The following EIF3CL variants were observed in gnomAD, a reference collection of about 807,000 sequenced individuals.
EIF3CL encodes the protein eukaryotic translation initiation factor 3 subunit C-like protein.
For synonymous variants in EIF3CL, 2 were observed against 19.6 expected, an observed-to-expected ratio of 0.10 and a Z score of 2.37; for missense variants, 5 against 56.1, an observed-to-expected ratio of 0.09 and a Z score of 2.91.
At chr16:28,417,106 C>T in the EIF3CL span, among the ~76,000 whole-genome samples, 8 of 123,184 alleles carry the variant, frequency 6.5e-5, no homozygotes, top group Admixed American at 7.9e-5. Context: ...TGAGGAGCCC[C>T]TCTGCCCGGC....
the EIF3CL span, among the ~76,000 whole-genome samples, chr16:28,424,029 C>T: frequency 6.8e-6 from 1 of 146,912 alleles, no homozygotes; most frequent in Non-Finnish European, 1.5e-5. Context: ...ACTCTGTTGC[C>T]CAGGCTGGAG....
At chr16:28,417,687 C>G in the EIF3CL span, among the ~76,000 whole-genome samples, 2 of 103,082 alleles carry the variant, frequency 1.9e-5, no homozygotes, top group East Asian at 5.2e-4. Flanking sequence ...TGCGGAAGGC[C>G]GCAGGGTCCT....
chr16:28,392,821 CTCTCT>C (rs1429191807), intron 8 of EIF3CL, among the ~76,000 whole-genome samples: 14 of 150,016 alleles, frequency 9.3e-5, no homozygotes, highest in Non-Finnish European at 1.3e-4. Flanking sequence ...GCTTTCTCTC[CTCTCT>C]TGACAACCGA....
intron 15 of EIF3CL, among the ~76,000 whole-genome samples, chr16:28,385,598 G>C (rs2045597061): frequency 2.8e-5 from 2 of 70,304 alleles, no homozygotes; most frequent in Non-Finnish European, 3.1e-5. Flanking sequence ...GAATGGGACA[G>C]AGGGAATGAC....
chr16:28,417,872 C>A, the EIF3CL span, among the ~76,000 whole-genome samples: 6 of 109,670 alleles, frequency 5.5e-5, no homozygotes, highest in Middle Eastern at 6.8e-3. Context: ...TTTAGGAATG[C>A]AAAAAAAAAA....
At chr16:28,415,036 T>C in the EIF3CL span, 3 of 425,196 alleles carry the variant, frequency 7.1e-6, 1 homozygote, top group Non-Finnish European at 1.4e-5. Context: ...CAGCTGCAGC[T>C]GCCACCTGTG....
the EIF3CL span, among the ~76,000 whole-genome samples, chr16:28,419,333 G>C: frequency 1.1e-4 from 17 of 150,746 alleles, no homozygotes; most frequent in Admixed American, 6.6e-4. Context: ...GACAGGAAGT[G>C]GAAGTTACAG....
At chr16:28,414,729 G>A in the EIF3CL span, 4 of 385,994 alleles carry the variant, frequency 1.0e-5, no homozygotes, top group East Asian at 2.2e-4. Context: ...AGCAGGTGGT[G>A]CAGGAGTACT....
At chr16:28,389,474 CA>C (rs1473443361) in intron 13 of EIF3CL, among the ~76,000 whole-genome samples, 2 of 47,416 alleles carry the variant, frequency 4.2e-5, no homozygotes, top group Non-Finnish European at 8.4e-5. Context: ...GCTAGGATTA[CA>C]GGCGTGAGCC....
the EIF3CL span, among the ~76,000 whole-genome samples, chr16:28,415,453 A>G: frequency 1.4e-5 from 2 of 142,288 alleles, no homozygotes; most frequent in Non-Finnish European, 3.0e-5. Flanking sequence ...TTAGATATTA[A>G]AAGAAAAAAA....
chr16:28,419,283 G>A, the EIF3CL span, among the ~76,000 whole-genome samples: 1 of 150,852 alleles, frequency 6.6e-6, no homozygotes, highest in East Asian at 1.9e-4. Context: ...TGGGATTACA[G>A]GTGTAAGCCA....
the EIF3CL span, chr16:28,414,707 G>A: frequency 2.7e-6 from 1 of 364,862 alleles, no homozygotes; most frequent in African/African-American, 2.3e-5. Flanking sequence ...GCGCCAAGCT[G>A]CGCGTCTAGA....
In EIF3CL at chr16:28,385,334, G is replaced by A. The variant is rs1356184530; in HGVS notation, c.1822-1853C>T. On this transcript the variant is annotated intron_variant, in intron 15 of 20. Coordinates refer to ENST00000380876, the MANE Select transcript of EIF3CL (RefSeq NM_001317857.2). Reference sequence around the variant, plus strand: ...TGAATAGAATGAAGGAGAAGTAACCGGGTATTTCTTTTCTTTTTGAGACAG... The same window carrying A: ...TGAATAGAATGAAGGAGAAGTAACCAGGTATTTCTTTTCTTTTTGAGACAG... 5.4e-5 allele frequency among the ~76,000 whole-genome samples: 7 copies of A among 129,824 alleles called. 1 individual carries two copies. The highest frequency in any genetic ancestry group is 2.4e-4 in the East Asian group (1 of 4,232). The allele number at this position is 129,824 out of a possible 152,430, so 85.2% of individuals were successfully genotyped here.
At chr16:28,414,969 A>G in the EIF3CL span, 2 of 491,000 alleles carry the variant, frequency 4.1e-6, no homozygotes, top group East Asian at 1.3e-4. Flanking sequence ...GTGTTCAGGG[A>G]CCGGCTGCTG....
chr16:28,386,822 C>T (rs2032436212), intron 15 of EIF3CL, among the ~76,000 whole-genome samples: 1 of 61,438 alleles, frequency 1.6e-5, no homozygotes, highest in South Asian at 4.6e-4. Flanking sequence ...AAAAGATACA[C>T]ACACAACCCC....
chr16:28,416,650 C>T, the EIF3CL span, among the ~76,000 whole-genome samples: 2 of 91,204 alleles, frequency 2.2e-5, no homozygotes, highest in African/African-American at 8.0e-5. Context: ...CTCCGCCCGG[C>T]AGCCGCCCCG....
the EIF3CL span, among the ~76,000 whole-genome samples, chr16:28,416,915 G>GC: frequency 1.1e-5 from 1 of 88,468 alleles, no homozygotes; most frequent in Non-Finnish European, 2.4e-5. Context: ...CCGGCCAGCC[G>GC]CCCCGTCTGG....
rs1267384524 is a variant in EIF3CL, at chr16:28,403,082, A to C, written c.101+436T>G. 3.4e-5 allele frequency among the ~76,000 whole-genome samples: 5 copies of C among 145,394 alleles called. 2 individuals carry two copies. Among genetic ancestry groups the C allele is most frequent in the African/African-American group, 1.2e-4 (5 of 40,128 alleles). On this transcript the variant is annotated intron_variant, in intron 2 of 20. Coordinates refer to ENST00000380876, the MANE Select transcript of EIF3CL (RefSeq NM_001317857.2). ...GGTATTTACGTAGAGGTGAACAGGC[A>C]TATAAAATGTTTAAGCACCTGCGTA... is the stretch of plus-strand genomic sequence containing the variant.
chr16:28,418,723 A>G, the EIF3CL span, among the ~76,000 whole-genome samples: 1 of 151,616 alleles, frequency 6.6e-6, no homozygotes, highest in Non-Finnish European at 1.5e-5. Flanking sequence ...TCTGCCTCCC[A>G]GGTTCAAGGG....
Sources: allele counts gnomAD v4.1 joint callset (sites outside exome capture counted in the v4.1 genomes callset), GRCh38; gene constraint gnomAD v4.1.1; transcripts MANE v1.5; gene names NCBI Gene and HGNC (gene_info 2026-07-23, HGNC 2026-07-21).